The following GATAD2B variants were observed in gnomAD, a reference collection of about 807,000 sequenced individuals.
The protein encoded by GATAD2B is transcriptional repressor p66-beta.
GATAD2B carries 8 observed loss-of-function variants against 64.3 expected under a neutral mutation model. The ratio of observed to expected loss-of-function variants is 0.12; its 90% CI spans 0.07 to 0.22. The LOEUF is 0.22. Among genes scored for constraint, GATAD2B ranks in the 10% least tolerant of loss-of-function variants. GATAD2B has a pLI of 1.00. For synonymous variants in GATAD2B, 281 were observed against 271.3 expected, an observed-to-expected ratio of 1.04 and a Z score of -0.35; for missense variants, 453 against 752.0, an observed-to-expected ratio of 0.60 and a Z score of 4.65.
Position 153,833,711 on chromosome 1 carries a change from G to GAGGC in GATAD2B, c.-1-5367_-1-5364dup, listed in dbSNP as rs1675155609. 2.0e-5 allele frequency among the ~76,000 whole-genome samples: 3 copies of GAGGC among 150,076 alleles called. 1 individual carries two copies. Among genetic ancestry groups the GAGGC allele is most frequent in the African/African-American group, 7.3e-5 (3 of 40,982 alleles). On this transcript the variant is annotated intron_variant, in intron 1 of 10. Coordinates refer to ENST00000368655, the MANE Select transcript of GATAD2B (RefSeq NM_020699.4). Reference sequence around the variant, plus strand: ...CGTAATCCCAGCTACATGGGAGGGTGAGGCAGGAGAATAGCCTGAACCTGG... The same window carrying GAGGC: ...CGTAATCCCAGCTACATGGGAGGGTGAGGCAGGCAGGAGAATAGCCTGAACCTGG...
intron 1 of GATAD2B, among the ~76,000 whole-genome samples, chr1:153,869,744 T>G (rs529059690): frequency 7.2e-5 from 11 of 152,134 alleles, no homozygotes; most frequent in Non-Finnish European, 1.3e-4. Flanking sequence ...GAAAAGGAAA[T>G]AAAATGCATG....
chr1:153,817,630 A>G (rs965564843), intron 5 of GATAD2B, 88 bp from the exon 6 acceptor site: 2 of 845,310 alleles, frequency 2.4e-6, no homozygotes, highest in Admixed American at 3.5e-5. Context: ...AACACTGCCT[A>G]TAATACATAG....
intron 1 of GATAD2B, among the ~76,000 whole-genome samples, chr1:153,915,002 T>C (rs1333173588): frequency 2.6e-5 from 4 of 151,576 alleles, no homozygotes; most frequent in African/African-American, 4.8e-5. Context: ...AGCAGATGGA[T>C]AGCTGAGGCC....
At chr1:153,828,471 C>CAG in intron 1 of GATAD2B, 123 bp from the exon 2 acceptor site, 1 of 629,338 alleles carries the variant, frequency 1.6e-6, no homozygotes, top group Non-Finnish European at 2.8e-6. Flanking sequence ...CACACACACA[C>CAG]ACACACACAC....
intron 1 of GATAD2B, among the ~76,000 whole-genome samples, chr1:153,909,885 T>C (rs967963234): frequency 4.0e-5 from 6 of 150,098 alleles, no homozygotes; most frequent in Admixed American, 2.0e-4. Flanking sequence ...GAGGCAGAGG[T>C]TGCAGTCAGC....
chr1:153,859,851 A>G (rs957016537), intron 1 of GATAD2B, among the ~76,000 whole-genome samples: 9 of 141,510 alleles, frequency 6.4e-5, no homozygotes, highest in African/African-American at 2.4e-4. Flanking sequence ...CCCTATCTCC[A>G]TTCCTCCAGG....
At position 153,895,233 on chromosome 1, in the gene GATAD2B, G is replaced by A. The variant is rs527989846; in HGVS notation, c.-2+27500C>T. On this transcript the variant is annotated intron_variant, in intron 1 of 10. Coordinates refer to ENST00000368655, the MANE Select transcript of GATAD2B (RefSeq NM_020699.4). ...TGTAGTCCCAGCTACTTGGGAGGCT[G>A]AAGCATGAGAGAATCAGGTGAACCT... Among the ~76,000 whole-genome samples the A allele has an allele frequency of 5.9e-5, 9 of 152,078 alleles. No homozygotes were observed. The South Asian group carries it at 1.9e-3, about 31-fold the overall frequency.
chr1:153,853,095 G>T, intron 1 of GATAD2B: 1 of 1,487,214 alleles, frequency 6.7e-7, no homozygotes, highest in Non-Finnish European at 9.4e-7. Flanking sequence ...TTTGGCATTG[G>T]CAACAACCTG....
In GATAD2B at chr1:153,819,892, A is replaced by T. The variant is rs374740497; in HGVS notation, c.336-157T>A. On this transcript the variant is annotated intron_variant, in intron 2 of 10. Transcript: ENST00000368655. Reference sequence around the variant, plus strand: ...GGCGGGTGGAACACCTGGGGTCAGGAGTTCGAGACCAGCCTGACCGACATG... The same window carrying T: ...GGCGGGTGGAACACCTGGGGTCAGGTGTTCGAGACCAGCCTGACCGACATG... Among the ~76,000 whole-genome samples the T allele has an allele frequency of 4.6e-5, 7 of 152,244 alleles. No homozygotes were observed. In the East Asian group the frequency reaches 1.2e-3, roughly 25 times the overall value.
At chr1:153,873,142 T>C (rs1329399288) in intron 1 of GATAD2B, among the ~76,000 whole-genome samples, 1 of 152,198 alleles carries the variant, frequency 6.6e-6, no homozygotes. Context: ...TTAGTATTAT[T>C]ATGAAACTAT....
chr1:153,815,280 CAAAAAAAAAAAACAA>C (rs1674430775), intron 7 of GATAD2B, among the ~76,000 whole-genome samples: 1 of 66,630 alleles, frequency 1.5e-5, no homozygotes, highest in Non-Finnish European at 2.7e-5. Context: ...CTCAAAAAAA[CAAAAAAAAAAAACAA>C]AAAAAAAAAA....
intron 1 of GATAD2B, among the ~76,000 whole-genome samples, chr1:153,868,973 A>T (rs1326402456): frequency 6.6e-6 from 1 of 152,100 alleles, no homozygotes; most frequent in African/African-American, 2.4e-5. Context: ...CTCCAATCAA[A>T]ATTCCACATA....
chr1:153,922,340 G>A (rs941042301), intron 1 of GATAD2B, among the ~76,000 whole-genome samples: 2 of 150,254 alleles, frequency 1.3e-5, no homozygotes, highest in African/African-American at 4.9e-5. Context: ...GAGCATGGCG[G>A]GCATGAGGCA....
chr1:153,830,434 C>T (rs946822321), intron 1 of GATAD2B, among the ~76,000 whole-genome samples: 8 of 151,190 alleles, frequency 5.3e-5, no homozygotes, highest in East Asian at 2.0e-4. Context: ...GCATTAGCCA[C>T]TGTGCCCGGC....
chr1:153,871,093 G>A (rs1446469687), intron 1 of GATAD2B, among the ~76,000 whole-genome samples: 5 of 151,664 alleles, frequency 3.3e-5, no homozygotes, highest in Non-Finnish European at 2.9e-5. Context: ...TTTTGAGACA[G>A]TCTCGCTCTG....
At chr1:153,862,713 T>C (rs1213921413) in intron 1 of GATAD2B, among the ~76,000 whole-genome samples, 1 of 151,356 alleles carries the variant, frequency 6.6e-6, no homozygotes, top group Non-Finnish European at 1.5e-5. Context: ...CTGGCCAATC[T>C]CTACTTTATT....
chr1:153,857,159 A>AC (rs1365515834), intron 1 of GATAD2B, among the ~76,000 whole-genome samples: 1 of 130,512 alleles, frequency 7.7e-6, no homozygotes, highest in Non-Finnish European at 1.7e-5. Context: ...TATATATATA[A>AC]ATTGGCCGGG....
intron 1 of GATAD2B, among the ~76,000 whole-genome samples, chr1:153,899,563 C>T (rs1677704581): frequency 1.3e-5 from 2 of 150,272 alleles, no homozygotes; most frequent in Non-Finnish European, 1.5e-5. Context: ...GACGAAACTC[C>T]ATCTTAAAAA....
intron 7 of GATAD2B, among the ~76,000 whole-genome samples, chr1:153,814,639 T>C (rs1674393020): frequency 6.6e-6 from 1 of 152,070 alleles, no homozygotes. Flanking sequence ...CTAGGTGTGA[T>C]GGCACACATC....
Sources: allele counts gnomAD v4.1 joint callset (sites outside exome capture counted in the v4.1 genomes callset), GRCh38; gene constraint gnomAD v4.1.1; transcripts MANE v1.5; gene names NCBI Gene and HGNC (gene_info 2026-07-23, HGNC 2026-07-21).